The following CES5A variants were observed in gnomAD, a reference collection of about 807,000 sequenced individuals.
CES5A encodes carboxylesterase 5A.
Under a neutral mutation model 62.9 loss-of-function variants are expected in CES5A, and 67 were observed. The ratio of observed to expected loss-of-function variants is 1.07; its 90% CI spans 0.88 to 1.31. The LOEUF is 1.31. CES5A is among the 50% of genes most tolerant of loss of function. CES5A has a pLI of 0.00. For missense variants in CES5A, 748 were observed against 708.5 expected, an observed-to-expected ratio of 1.06 and a Z score of -0.63; for synonymous variants, 296 against 280.8, an observed-to-expected ratio of 1.05 and a Z score of -0.54.
In CES5A at chr16:55,848,781, T is replaced by C. The variant is rs758180425; in HGVS notation, c.1423+843A>G. On this transcript the variant is annotated intron_variant, in intron 11 of 12. Coordinates refer to ENST00000290567, the MANE Select transcript of CES5A (RefSeq NM_001143685.2). ...TTTAGGGAGTCCATGTGCCATTACA[T>C]AGTATGGGCTCAGGAATGGTTGCTG... Among the ~76,000 whole-genome samples, 11 of 152,204 alleles carry C rather than the reference T, an allele frequency of 7.2e-5. No individual in the cohort carries two copies. The South Asian group carries it at 2.3e-3, about 32-fold the overall frequency.
rs764198887 is a variant in CES5A, at chr16:55,852,984, G to A, written c.1170C>T (p.Phe390=). ...QYLHLVANEY[F]HDKHSLTEIR... ...TTTCAGTCAGGGAGTGCTTGTCATGGAAGTATTCATTAGCCACAAGGTGCA... is the reference window on the plus strand; with the variant it reads ...TTTCAGTCAGGGAGTGCTTGTCATGAAAGTATTCATTAGCCACAAGGTGCA... The change falls in exon 10 of 13, where the codon TTC becomes TTT. Residue 390 remains phenylalanine, a synonymous_variant. Coordinates refer to ENST00000290567, the MANE Select transcript of CES5A (RefSeq NM_001143685.2). 15 of 1,614,028 alleles carry A rather than the reference G, an allele frequency of 9.3e-6. No homozygotes were observed. Among genetic ancestry groups the A allele is most frequent in the Non-Finnish European group, 1.3e-5 (15 of 1,180,020 alleles).
At chr16:55,931,703 A>G (rs1371905851) in intron 2 of CES5A, among the ~76,000 whole-genome samples, 1 of 152,138 alleles carries the variant, frequency 6.6e-6, no homozygotes, top group Non-Finnish European at 1.5e-5. Context: ...CTTATCCAGG[A>G]AGCTCTTCCA....
intron 10 of CES5A, among the ~76,000 whole-genome samples, chr16:55,851,641 C>T (rs1475290569): frequency 3.3e-5 from 5 of 152,196 alleles, no homozygotes; most frequent in African/African-American, 9.6e-5. Flanking sequence ...AGAAATTCTA[C>T]CTCTGGCATA....
At chr16:55,872,410 A>G (rs1424172464) in intron 2 of CES5A, among the ~76,000 whole-genome samples, 1 of 152,010 alleles carries the variant, frequency 6.6e-6, no homozygotes, top group African/African-American at 2.4e-5. Flanking sequence ...GGAAACACCC[A>G]CCTACTTTGC....
rs1266123600 is a variant in CES5A, at chr16:55,852,861, CG to C, written c.1273+19del. 2.5e-6 allele frequency: 4 copies of C among 1,604,758 alleles called. No individual in the cohort carries two copies. The African/African-American group carries it at 5.4e-5, about 21-fold the overall frequency. Reference sequence around the variant, plus strand: ...GCCTCACTGGGCTATGGTCCTGGAGCGGGATGCTCAGATACTCACCTCTGTG... The same window carrying C: ...GCCTCACTGGGCTATGGTCCTGGAGCGGATGCTCAGATACTCACCTCTGTG... On this transcript the variant is annotated intron_variant, in intron 10 of 12. Coordinates refer to ENST00000290567, the MANE Select transcript of CES5A (RefSeq NM_001143685.2).
chr16:55,919,532 C>T (rs187070801), intron 1 of CES5A, among the ~76,000 whole-genome samples: 1 of 152,182 alleles, frequency 6.6e-6, no homozygotes, highest in Non-Finnish European at 1.5e-5. Flanking sequence ...AGCCCAGAAC[C>T]CTGCACCCTC....
chr16:55,932,086 G>T (rs111300904), intron 2 of CES5A, among the ~76,000 whole-genome samples: 1 of 152,164 alleles, frequency 6.6e-6, no homozygotes, highest in Admixed American at 6.5e-5. Flanking sequence ...GACTGGGTTG[G>T]TTATCACAAG....
chr16:55,943,792 A>G (rs912529218), intron 2 of CES5A, among the ~76,000 whole-genome samples: 32 of 152,182 alleles, frequency 2.1e-4, no homozygotes, highest in African/African-American at 7.0e-4. Context: ...ACAGGCCGGA[A>G]AGGAAGGGCT....
intron 1 of CES5A, among the ~76,000 whole-genome samples, chr16:55,916,464 C>A (rs1242007215): frequency 2.0e-5 from 3 of 152,182 alleles, no homozygotes; most frequent in Non-Finnish European, 4.4e-5. Context: ...GTGAAGACAG[C>A]CAGCCTATGA....
intron 1 of CES5A, among the ~76,000 whole-genome samples, chr16:55,895,052 G>T (rs1459242379): frequency 6.6e-6 from 1 of 152,150 alleles, no homozygotes; most frequent in African/African-American, 2.4e-5. Flanking sequence ...ACCTGTAAGA[G>T]CCCTAAGCTC....
intron 2 of CES5A, among the ~76,000 whole-genome samples, chr16:55,936,639 T>C (rs1187943658): frequency 2.0e-5 from 3 of 152,210 alleles, no homozygotes; most frequent in Non-Finnish European, 2.9e-5. Flanking sequence ...CACTGAGTGA[T>C]ACCAATACAG....
In CES5A at chr16:55,909,193, G is replaced by T. The variant is rs571376812; in HGVS notation, c.-256+16130C>A. Reference sequence around the variant, plus strand: ...CTCCACTTTCCCTCCAGAGCTGGGAGGACTGGGAACTTGGGAAGCCAGGGT... The same window carrying T: ...CTCCACTTTCCCTCCAGAGCTGGGATGACTGGGAACTTGGGAAGCCAGGGT... On this transcript the variant is annotated intron_variant, in intron 1 of 12. Transcript: ENST00000518005. Among the ~76,000 whole-genome samples the T allele has an allele frequency of 2.0e-4, 31 of 152,256 alleles. No homozygotes were observed. In the South Asian group the frequency reaches 6.4e-3, roughly 32 times the overall value.
chr16:55,894,140 A>G (rs1342861613), intron 1 of CES5A, among the ~76,000 whole-genome samples: 4 of 152,202 alleles, frequency 2.6e-5, no homozygotes, highest in Non-Finnish European at 4.4e-5. Context: ...ATATTATTCA[A>G]AAATGAAGAC....
chr16:55,853,901 T>G (rs1298592566), intron 9 of CES5A, among the ~76,000 whole-genome samples: 3 of 152,132 alleles, frequency 2.0e-5, no homozygotes, highest in Admixed American at 6.5e-5. Context: ...CTTGATGGGT[T>G]TCTTTGGAAT....
chr16:55,948,960 A>T (rs2034526042), intron 2 of CES5A, among the ~76,000 whole-genome samples: 1 of 152,164 alleles, frequency 6.6e-6, no homozygotes, highest in Non-Finnish European at 1.5e-5. Flanking sequence ...TGGGTGGGCA[A>T]ATCAAAATAC....
At chr16:55,914,206 T>C (rs1214852569) in intron 1 of CES5A, among the ~76,000 whole-genome samples, 1 of 152,222 alleles carries the variant, frequency 6.6e-6, no homozygotes, top group Non-Finnish European at 1.5e-5. Flanking sequence ...TTAATATCAC[T>C]TTTGTTCAGT....
intron 3 of CES5A, among the ~76,000 whole-genome samples, chr16:55,870,697 C>CA (rs1403989164): frequency 3.4e-4 from 52 of 150,896 alleles, no homozygotes; most frequent in African/African-American, 3.6e-4. Context: ...GACTCTGTCC[C>CA]AAAAAAAAGA....
intron 4 of CES5A, among the ~76,000 whole-genome samples, chr16:55,869,045 A>G (rs7499570): frequency 0.71 from 107,488 of 152,236 alleles, 38,936 homozygotes; most frequent in East Asian, 0.88. Context: ...TCAGGTGAGC[A>G]TTCGAGAAGA....
intron 1 of CES5A, among the ~76,000 whole-genome samples, chr16:55,920,628 C>T (rs1314667237): frequency 7.9e-5 from 12 of 152,156 alleles, no homozygotes; most frequent in Admixed American, 7.9e-4. Flanking sequence ...TGAAGAATCT[C>T]TAAACAAATA....
Sources: allele counts gnomAD v4.1 joint callset (sites outside exome capture counted in the v4.1 genomes callset), GRCh38; gene constraint gnomAD v4.1.1; transcripts MANE v1.5; gene names NCBI Gene and HGNC (gene_info 2026-07-23, HGNC 2026-07-21).